Variants in PRRT1B observed in about 807,000 individuals in gnomAD.
PRRT1B encodes the protein dispanin subfamily D member 2.
chr9:131,556,537 T>C (rs73660024), intron 3 of PRRT1B, among the ~76,000 whole-genome samples: 2,823 of 152,328 alleles, frequency 0.019, 98 homozygotes, highest in African/African-American at 0.064. Context: ...CATTCATTCC[T>C]ATGCTCATCT....
chr9:131,556,635 C>T (rs1406406624), intron 3 of PRRT1B, among the ~76,000 whole-genome samples: 2 of 151,608 alleles, frequency 1.3e-5, no homozygotes, highest in Non-Finnish European at 2.9e-5. Flanking sequence ...CATCCACCAT[C>T]TCTCTCTTTT....
exon 2 of PRRT1B, chr9:131,554,695 ACGAGGACGGGGCGCCCAG>A (rs1451588689): frequency 1.1e-5 from 4 of 367,046 alleles, no homozygotes; most frequent in African/African-American, 4.4e-5. Context: ...CGGACCCTGG[ACGAGGACGGGGCGCCCAG>A]CGAGGACGGG....
In PRRT1B at chr9:131,551,589, C is replaced by T. The variant is rs1217582535; in HGVS notation, c.26-2968C>T. 6.6e-6 allele frequency among the ~76,000 whole-genome samples: 1 copy of T among 152,172 alleles called. No homozygotes were observed. Among genetic ancestry groups the T allele is most frequent in the Non-Finnish European group, 1.5e-5 (1 of 68,044 alleles). On this transcript the variant is annotated intron_variant, in intron 1 of 3. Coordinates refer to ENST00000636672, the Ensembl canonical transcript of PRRT1B. The surrounding 1 kb of genome is among the most constrained non-coding windows in gnomAD (Gnocchi z 4.4). ...CCCCTGTGACCTGCATGTACACATC[C>T]AGGTGGCCGGTTCCTGCCTTAACTG...
chr9:131,553,974 G>A (rs1564417465), intron 1 of PRRT1B, among the ~76,000 whole-genome samples: 1 of 152,200 alleles, frequency 6.6e-6, no homozygotes, highest in Non-Finnish European at 1.5e-5. Flanking sequence ...TTGAGGCTCT[G>A]AGCCCTGGCT....
intron 1 of PRRT1B, among the ~76,000 whole-genome samples, chr9:131,550,946 T>TTTTTTTTTTTTTTTTC (rs1951007654): frequency 7.3e-6 from 1 of 136,224 alleles, no homozygotes; most frequent in African/African-American, 2.8e-5. Flanking sequence ...TTTCTTTTTT[T>TTTTTTTTTTTTTTTTC]TTTTTTTTTT....
chr9:131,553,431 G>A (rs1410942358), intron 1 of PRRT1B, among the ~76,000 whole-genome samples: 1 of 152,236 alleles, frequency 6.6e-6, no homozygotes, highest in African/African-American at 2.4e-5. Flanking sequence ...AACATCACAG[G>A]TAAAGGTGTG....
In PRRT1B at chr9:131,554,688, AC is replaced by A. The variant is rs1402667993; in HGVS notation, c.160del (p.Leu54TrpfsTer137). 1 of 369,606 alleles carries A rather than the reference AC, an allele frequency of 2.7e-6. No individual in the cohort carries two copies. Among genetic ancestry groups the A allele is most frequent in the Non-Finnish European group, 4.8e-6 (1 of 209,444 alleles). The allele number at this position is 369,606 out of a possible 1,614,324, so 22.9% of individuals were successfully genotyped here. ...CCCGCAGCTCCCGCGCCGCCCGCGGACCCTGGACGAGGACGGGGCGCCCAGC... is the reference window on the plus strand; with the variant it reads ...CCCGCAGCTCCCGCGCCGCCCGCGGACCTGGACGAGGACGGGGCGCCCAGC... On this transcript the variant is annotated frameshift_variant, in exon 2 of 4. Coordinates refer to ENST00000636672, the Ensembl canonical transcript of PRRT1B. LOFTEE classifies it high-confidence loss of function.
At chr9:131,552,245 A>G (rs1051176101) in intron 1 of PRRT1B, among the ~76,000 whole-genome samples, 5 of 152,234 alleles carry the variant, frequency 3.3e-5, no homozygotes, top group African/African-American at 7.2e-5. Flanking sequence ...CAGTGGTTCA[A>G]TCACAGCTCA....
intron 1 of PRRT1B, among the ~76,000 whole-genome samples, chr9:131,549,589 CT>C (rs1950997448): frequency 6.6e-6 from 1 of 152,216 alleles, no homozygotes; most frequent in South Asian, 2.1e-4. Flanking sequence ...CAGAAGCCCC[CT>C]AGACCATCAC....
chr9:131,553,474 G>T lies in PRRT1B; in HGVS notation c.26-1083G>T, dbSNP rs561488218. On this transcript the variant is annotated intron_variant, in intron 1 of 3. Coordinates refer to ENST00000636672, the Ensembl canonical transcript of PRRT1B. ...AAACAGCGTGGCAGGTGTATGGGGT[G>T]CAGGGGCCATGAGTGAGCCCCTAGC... Among the ~76,000 whole-genome samples, 409 of 152,346 alleles carry T rather than the reference G, an allele frequency of 2.7e-3. 2 individuals carry two copies. Among genetic ancestry groups the T allele is most frequent in the Non-Finnish European group, 4.7e-3 (322 of 68,028 alleles).
intron 3 of PRRT1B, among the ~76,000 whole-genome samples, chr9:131,557,571 G>C (rs1041044495): frequency 1.3e-5 from 2 of 152,134 alleles, no homozygotes; most frequent in Non-Finnish European, 2.9e-5. Flanking sequence ...GCAAGGCTCT[G>C]GGGGGCCTAT....
chr9:131,547,609 G>A (rs1005975935), intron 1 of PRRT1B, among the ~76,000 whole-genome samples: 2 of 152,144 alleles, frequency 1.3e-5, no homozygotes, highest in Admixed American at 6.5e-5. Context: ...CTCTTCACAC[G>A]GACGCGAGTG....
intron 2 of PRRT1B, 144 bp from the exon 3 acceptor site, chr9:131,555,926 A>C (rs1385909847): frequency 5.0e-6 from 2 of 396,078 alleles, no homozygotes; most frequent in Non-Finnish European, 8.9e-6. Context: ...ACCCTGACCC[A>C]ACCCCTCCGT....
chr9:131,557,360 G>A (rs1588552461), intron 3 of PRRT1B, among the ~76,000 whole-genome samples: 1 of 152,166 alleles, frequency 6.6e-6, no homozygotes, highest in Non-Finnish European at 1.5e-5. Context: ...CCAATATGGT[G>A]AAACCCCGTC....
intron 3 of PRRT1B, among the ~76,000 whole-genome samples, chr9:131,557,560 G>C (rs1183715610): frequency 6.6e-6 from 1 of 152,104 alleles, no homozygotes; most frequent in African/African-American, 2.4e-5. Flanking sequence ...AACAAAAGCA[G>C]GCAAGGCTCT....
At chr9:131,555,467 G>A (rs867038358) in intron 2 of PRRT1B, among the ~76,000 whole-genome samples, 1 of 152,230 alleles carries the variant, frequency 6.6e-6, no homozygotes, top group African/African-American at 2.4e-5. Flanking sequence ...CTTGGGCTTA[G>A]GAGTTCCAGA....
At chr9:131,546,284 G>A (rs1288596669) in intron 1 of PRRT1B, among the ~76,000 whole-genome samples, 1 of 152,160 alleles carries the variant, frequency 6.6e-6, no homozygotes, top group African/African-American at 2.4e-5. Flanking sequence ...ACGGAGAGCT[G>A]GAGACAGGGA....
At position 131,550,933 on chromosome 9, in the gene PRRT1B, CTTTTTCTTT is replaced by C. The variant is rs1255215332; in HGVS notation, c.26-3618_26-3610del. ...TCCGTTTAGTTTTTCTTTTTCTTTT[CTTTTTCTTT>C]TTTTTTTTTTTTTTTTTTGAGACAG... On this transcript the variant is annotated intron_variant, in intron 1 of 3. Coordinates refer to ENST00000636672, the Ensembl canonical transcript of PRRT1B. 2.4e-3 allele frequency among the ~76,000 whole-genome samples: 282 copies of C among 116,852 alleles called. 2 individuals are homozygous for C. Among genetic ancestry groups the C allele is most frequent in the Non-Finnish European group, 2.9e-3 (171 of 58,596 alleles). 76.7% of individuals were successfully genotyped at this position (116,852 alleles called of 152,430 possible). A position where few individuals can be genotyped will look rare whatever the true frequency, so the allele number is the denominator to read the frequency against.
At chr9:131,555,760 G>T (rs1367489294) in intron 2 of PRRT1B, among the ~76,000 whole-genome samples, 1 of 152,192 alleles carries the variant, frequency 6.6e-6, no homozygotes, top group Admixed American at 6.5e-5. Flanking sequence ...AGGCCCCCCA[G>T]GGAGGGGTGG....
Sources: allele counts gnomAD v4.1 joint callset (sites outside exome capture counted in the v4.1 genomes callset), GRCh38; gene constraint gnomAD v4.1.1; non-coding constraint Gnocchi (gnomAD v3.1); transcripts MANE v1.5; gene names NCBI Gene and HGNC (gene_info 2026-07-23, HGNC 2026-07-21).